The following FAT3 variants were observed in gnomAD, a reference collection of about 807,000 sequenced individuals.
The protein encoded by FAT3 is protocadherin Fat 3.
A neutral mutation model predicts 310.2 loss-of-function variants in FAT3; 95 were observed. The observed-to-expected ratio is 0.31, with a 90% confidence interval of 0.26 to 0.36. The LOEUF is 0.36. Among genes scored for constraint, FAT3 ranks in the 10% least tolerant of loss-of-function variants. The pLI is 1.00. For missense variants in FAT3, 5,408 were observed against 5,715.6 expected (o/e 0.95, Z 1.74); for synonymous variants, 2,314 against 2,192.9 (o/e 1.06, Z -1.54).
At chr11:92,473,334 C>CAG (rs1293775944) in intron 2 of FAT3, among the ~76,000 whole-genome samples, 1 of 86,192 alleles carries the variant, frequency 1.2e-5, no homozygotes, top group Admixed American at 1.4e-4. Flanking sequence ...TGGGGTTGTG[C>CAG]AGAGAGAGAT....
chr11:92,751,015 G>A (rs1304080890), intron 4 of FAT3, among the ~76,000 whole-genome samples: 1 of 152,162 alleles, frequency 6.6e-6, no homozygotes, highest in Non-Finnish European at 1.5e-5. Flanking sequence ...GGTGCAGCTG[G>A]CAGGATAGAG....
intron 15 of FAT3, among the ~76,000 whole-genome samples, chr11:92,835,293 G>C (rs1948377795): frequency 6.6e-6 from 1 of 152,172 alleles, no homozygotes; most frequent in Non-Finnish European, 1.5e-5. Context: ...ATATCAAGGT[G>C]TTAGTGATTG....
At chr11:92,656,773 G>C (rs1942596109) in intron 3 of FAT3, among the ~76,000 whole-genome samples, 2 of 152,196 alleles carry the variant, frequency 1.3e-5, no homozygotes, top group African/African-American at 2.4e-5. Flanking sequence ...TCTGGGTAGA[G>C]GACTTTATCA....
chr11:92,311,238 T>C (rs1400469326), intron 1 of FAT3, among the ~76,000 whole-genome samples: 1 of 152,092 alleles, frequency 6.6e-6, no homozygotes, highest in African/African-American at 2.4e-5. Context: ...ATTTATGCAG[T>C]TGGAAACCAA....
chr11:92,271,364 G>C (rs1279962531), intron 1 of FAT3, among the ~76,000 whole-genome samples: 1 of 152,018 alleles, frequency 6.6e-6, no homozygotes, highest in African/African-American at 2.4e-5. Context: ...TCTTCCCTCT[G>C]CTGCTTTCTG....
chr11:92,796,184 G>A (rs915342402), intron 9 of FAT3, among the ~76,000 whole-genome samples: 1 of 152,116 alleles, frequency 6.6e-6, no homozygotes, highest in African/African-American at 2.4e-5. Context: ...TCACCTGTTG[G>A]ATTCACACTC....
intron 2 of FAT3, among the ~76,000 whole-genome samples, chr11:92,437,559 C>A (rs17514379): frequency 0.026 from 3,997 of 152,152 alleles, 65 homozygotes; most frequent in Non-Finnish European, 0.032. Context: ...ACTCAATAAA[C>A]ATTGTTATGA....
At chr11:92,802,841 T>C (rs966786762) in intron 10 of FAT3, among the ~76,000 whole-genome samples, 12 of 152,162 alleles carry the variant, frequency 7.9e-5, no homozygotes, top group Non-Finnish European at 1.6e-4. Flanking sequence ...CCTTAGGACA[T>C]AGAATCTGCT....
Position 92,800,638 on chromosome 11 carries a change from A to G in FAT3, c.7625A>G (p.Asp2542Gly), listed in dbSNP as rs1947313002. The G allele has an allele frequency of 2.5e-6, 4 of 1,613,656 alleles. No homozygotes were observed. The Admixed American group carries it at 6.7e-5, about 27-fold the overall frequency. Residue 2542 changes from aspartate (D) to glycine (G), a missense_variant, in exon 10 of 28, where the codon GAT (aspartate) becomes GGT (glycine). Coordinates refer to ENST00000525166, the MANE Select transcript of FAT3 (RefSeq NM_001367949.2). ...GCCATCATCAATGACTTTGCCAAGG[A>G]TCGATTCCTCATAGACAGCAATGGG... ...SYAIINDFAK[D>G]RFLIDSNGQV...
chr11:92,678,917 T>A (rs1486804882), intron 3 of FAT3, among the ~76,000 whole-genome samples: 1 of 152,218 alleles, frequency 6.6e-6, no homozygotes, highest in Non-Finnish European at 1.5e-5. Context: ...ATAACATACA[T>A]TGTATCCATT....
At chr11:92,278,402 A>G (rs756851917) in intron 1 of FAT3, among the ~76,000 whole-genome samples, 1 of 152,044 alleles carries the variant, frequency 6.6e-6, no homozygotes, top group African/African-American at 2.4e-5. Flanking sequence ...AGTTATTTTT[A>G]TAGGTAGGCC....
intron 4 of FAT3, among the ~76,000 whole-genome samples, chr11:92,721,704 A>G (rs1340748085): frequency 6.6e-6 from 1 of 152,162 alleles, no homozygotes; most frequent in Non-Finnish European, 1.5e-5. Context: ...GCTGATAAAG[A>G]CATAACTGAG....
chr11:92,755,755 T>TA lies in FAT3; in HGVS notation c.3670-6100dup, dbSNP rs1945975438. ...GCTAAACAGGGCACTGAGTTCCTCT[T>TA]ACCAAATATACCAAAATTGAGGCCA... On this transcript the variant is annotated intron_variant, in intron 4 of 27. Transcript: ENST00000525166. Among the ~76,000 whole-genome samples the TA allele has an allele frequency of 3.3e-5, 5 of 152,338 alleles. No individual in the cohort carries two copies. The South Asian group carries it at 8.3e-4, about 25-fold the overall frequency.
At chr11:92,618,243 G>T (rs1406405232) in intron 3 of FAT3, among the ~76,000 whole-genome samples, 2 of 152,226 alleles carry the variant, frequency 1.3e-5, no homozygotes, top group Non-Finnish European at 1.5e-5. Flanking sequence ...TGTGCTAGCG[G>T]TGAGCGAGGC....
At chr11:92,678,124 T>G (rs72958575) in intron 3 of FAT3, among the ~76,000 whole-genome samples, 2,837 of 152,254 alleles carry the variant, frequency 0.019, 52 homozygotes, top group Non-Finnish European at 0.029. Context: ...AAATGTCTGG[T>G]TGCAAGAGGG....
At chr11:92,273,456 A>G (rs1470747113) in intron 1 of FAT3, among the ~76,000 whole-genome samples, 1 of 152,138 alleles carries the variant, frequency 6.6e-6, no homozygotes, top group Non-Finnish European at 1.5e-5. Context: ...TTGAAGTGCA[A>G]TAAAAGGAAA....
At chr11:92,579,388 G>A (rs900435529) in intron 3 of FAT3, among the ~76,000 whole-genome samples, 5 of 152,092 alleles carry the variant, frequency 3.3e-5, no homozygotes, top group Admixed American at 6.6e-5. Context: ...AAGGGAGACC[G>A]TGATGCTTCT....
At chr11:92,315,485 A>G (rs71458697) in intron 1 of FAT3, among the ~76,000 whole-genome samples, 2,699 of 62,760 alleles carry the variant, frequency 0.043, 57 homozygotes, top group African/African-American at 0.11. Flanking sequence ...GTGTGTATAT[A>G]TATATATATA....
chr11:92,777,955 G>C (rs1048857099), intron 7 of FAT3, among the ~76,000 whole-genome samples: 9 of 151,930 alleles, frequency 5.9e-5, no homozygotes, highest in Non-Finnish European at 1.5e-5. Flanking sequence ...ATGAGTCTAT[G>C]TTGGATCTTC....
Sources: gnomAD v4.1 joint callset for allele counts (sites outside exome capture counted in the v4.1 genomes callset) on GRCh38, gnomAD v4.1.1 for gene constraint, MANE v1.5 for transcripts, NCBI Gene and HGNC (gene_info 2026-07-23, HGNC 2026-07-21) for gene names.